Variants in HECW2 observed in about 807,000 individuals in gnomAD.
HECW2 encodes the protein HECT, C2 and WW domain containing E3 ubiquitin protein ligase 2, also known as E3 ubiquitin-protein ligase HECW2.
A neutral mutation model predicts 175.2 loss-of-function variants in HECW2; 61 were observed. The observed-to-expected ratio is 0.35, with a 90% CI of 0.28 to 0.43. HECW2 has a LOEUF of 0.43. Among genes scored for constraint, HECW2 ranks in the 20% least tolerant of loss-of-function variants. The probability of loss-of-function intolerance (pLI) is 1.00; values close to 1 mark genes in which losing one functional copy is unlikely to be tolerated. For synonymous variants in HECW2, 671 were observed against 731.0 expected (o/e 0.92, Z 1.32); for missense variants, 1,524 against 2,000.5 (o/e 0.76, Z 4.54).
At position 196,286,169 on chromosome 2, in the gene HECW2, T is replaced by A. The variant is rs913468897; in HGVS notation, c.3000+6396A>T. On this transcript the variant is annotated intron_variant, in intron 14 of 28. Transcript: ENST00000644978. ...GATGCTGACAGCATGTAATTGACCA[T>A]GTTGGGAGAATTTACACCATCAAAA... Among the ~76,000 whole-genome samples, 3 of 152,242 alleles carry A rather than the reference T, an allele frequency of 2.0e-5. No individual in the cohort carries two copies. In the South Asian group the frequency reaches 6.2e-4, roughly 32 times the overall value.
chr2:196,448,399 T>G (rs1335271226), intron 1 of HECW2, among the ~76,000 whole-genome samples: 1 of 152,210 alleles, frequency 6.6e-6, no homozygotes, highest in East Asian at 1.9e-4. Flanking sequence ...AGACCTACTC[T>G]GAGGTCTTTT....
chr2:196,296,635 A>G (rs1221545027), intron 13 of HECW2, among the ~76,000 whole-genome samples: 1 of 152,218 alleles, frequency 6.6e-6, no homozygotes, highest in African/African-American at 2.4e-5. Flanking sequence ...GAGGATACAG[A>G]GATGAGCAAG....
chr2:196,306,418 A>T, intron 13 of HECW2, 70 bp downstream of exon 13: 1 of 1,436,142 alleles, frequency 7.0e-7, no homozygotes, highest in South Asian at 1.3e-5. Context: ...TCCTGCTATT[A>T]CTACAGAAAC....
intron 1 of HECW2, among the ~76,000 whole-genome samples, chr2:196,541,959 T>C (rs2125467610): frequency 6.6e-6 from 1 of 152,082 alleles, no homozygotes; most frequent in South Asian, 2.1e-4. Flanking sequence ...AGAAATGGAA[T>C]GTAACATAGA....
chr2:196,323,603 T>C (rs1692028767), intron 6 of HECW2, among the ~76,000 whole-genome samples: 1 of 152,158 alleles, frequency 6.6e-6, no homozygotes, highest in Non-Finnish European at 1.5e-5. Context: ...TTGCTTAGAA[T>C]AAAAAAGCCG....
At chr2:196,333,380 T>C (rs1692438602) in intron 4 of HECW2, among the ~76,000 whole-genome samples, 1 of 152,142 alleles carries the variant, frequency 6.6e-6, no homozygotes, top group Admixed American at 6.6e-5. Flanking sequence ...GCTTGATAGG[T>C]ACAAGCACTA....
intron 28 of HECW2, among the ~76,000 whole-genome samples, chr2:196,213,831 G>C (rs534432745): frequency 6.6e-6 from 1 of 152,184 alleles, no homozygotes; most frequent in East Asian, 1.9e-4. Flanking sequence ...GCAACCCTTC[G>C]GTGTTACTTC....
intron 5 of HECW2, among the ~76,000 whole-genome samples, chr2:196,327,411 C>T (rs1348731695): frequency 2.0e-5 from 3 of 152,194 alleles, no homozygotes; most frequent in African/African-American, 7.2e-5. Context: ...CACAAATATC[C>T]ACACCATATA....
intron 13 of HECW2, among the ~76,000 whole-genome samples, chr2:196,293,435 C>T (rs1314327192): frequency 6.6e-6 from 1 of 152,124 alleles, no homozygotes; most frequent in Non-Finnish European, 1.5e-5. Flanking sequence ...CATGTCTTTG[C>T]TATTGTGAAT....
chr2:196,592,011 T>C (rs945497210), intron 1 of HECW2, among the ~76,000 whole-genome samples: 8 of 152,126 alleles, frequency 5.3e-5, no homozygotes, highest in Non-Finnish European at 5.9e-5. Flanking sequence ...CTCGAGGGAA[T>C]AGGAGAAATA....
chr2:196,278,416 A>T, intron 15 of HECW2, 112 bp downstream of exon 15: 1 of 247,724 alleles, frequency 4.0e-6, no homozygotes, highest in Non-Finnish European at 6.5e-6. Context: ...AATCAAACTC[A>T]AAAAAAAAAA....
intron 1 of HECW2, among the ~76,000 whole-genome samples, chr2:196,530,020 G>A (rs1190862755): frequency 1.3e-5 from 2 of 152,078 alleles, no homozygotes; most frequent in South Asian, 4.1e-4. Context: ...ACATCAACAT[G>A]TAAAAATTAG....
At chr2:196,415,473 G>A (rs1380005425) in intron 2 of HECW2, among the ~76,000 whole-genome samples, 1 of 152,182 alleles carries the variant, frequency 6.6e-6, no homozygotes, top group Non-Finnish European at 1.5e-5. Context: ...GATTCAATAG[G>A]GGTATGCTGG....
At chr2:196,291,226 CCTTA>C (rs1399690639) in intron 14 of HECW2, 1 of 152,048 alleles carries the variant, frequency 6.6e-6, no homozygotes, top group Non-Finnish European at 1.5e-5. Context: ...ATACTTTACT[CCTTA>C]CTTCTTTCAG....
intron 17 of HECW2, 180 bp from the exon 18 acceptor site, chr2:196,258,086 G>C (rs531679751): frequency 3.6e-6 from 2 of 562,102 alleles, no homozygotes; most frequent in Non-Finnish European, 6.3e-6. Context: ...TTCAAGGGGG[G>C]GGATCTTGTA....
chr2:196,287,376 A>T (rs534983622), intron 14 of HECW2, among the ~76,000 whole-genome samples: 1 of 152,292 alleles, frequency 6.6e-6, no homozygotes, highest in South Asian at 2.1e-4. Context: ...TTAAAATCTC[A>T]TGACATTTAT....
chr2:196,581,533 C>CA (rs1690785109), intron 1 of HECW2, among the ~76,000 whole-genome samples: 1 of 151,322 alleles, frequency 6.6e-6, no homozygotes, highest in Admixed American at 6.6e-5. Context: ...GACTCTATCT[C>CA]AAAAAAATAA....
At chr2:196,226,249 CT>C (rs1347555141) in intron 22 of HECW2, among the ~76,000 whole-genome samples, 1 of 152,076 alleles carries the variant, frequency 6.6e-6, no homozygotes, top group African/African-American at 2.4e-5. Flanking sequence ...CTCTCTCTCT[CT>C]CTCCCTCCTG....
chr2:196,456,688 T>C (rs1696526414), intron 1 of HECW2, among the ~76,000 whole-genome samples: 2 of 152,342 alleles, frequency 1.3e-5, no homozygotes, highest in South Asian at 4.1e-4. Context: ...GTCTTCTTTT[T>C]TACTGCTCTT....
Sources: allele counts gnomAD v4.1 joint callset (sites outside exome capture counted in the v4.1 genomes callset), GRCh38; gene constraint gnomAD v4.1.1; transcripts MANE v1.5; gene names NCBI Gene and HGNC (gene_info 2026-07-23, HGNC 2026-07-21).